COXFA4: variants seen among roughly 807,000 people sequenced by gnomAD.
The protein encoded by COXFA4 is cytochrome c oxidase subunit FA4.
chr7:10,937,189 A>G, the COXFA4 span, among the ~76,000 whole-genome samples: 8 of 152,156 alleles, frequency 5.3e-5, no homozygotes, highest in Non-Finnish European at 8.8e-5. Context: ...ATGGCTTGAT[A>G]TTATGGAAAG....
chr7:10,936,672 G>A, the COXFA4 span, among the ~76,000 whole-genome samples: 1 of 152,126 alleles, frequency 6.6e-6, no homozygotes, highest in Admixed American at 6.5e-5. Flanking sequence ...GAGATTTACT[G>A]AAGGATTTAG....
At chr7:10,939,656 G>A in the COXFA4 span, 10 of 320,730 alleles carry the variant, frequency 3.1e-5, no homozygotes, top group South Asian at 3.2e-4. Flanking sequence ...ATAACACATA[G>A]GGAACCTGAC....
the COXFA4 span, chr7:10,937,923 T>C: frequency 1.6e-6 from 1 of 617,824 alleles, no homozygotes; most frequent in Non-Finnish European, 2.9e-6. Context: ...GCAAAAAATA[T>C]TTATTAGAGC....
At chr7:10,932,657 A>G in the COXFA4 span, 1 of 152,190 alleles carries the variant, frequency 6.6e-6, no homozygotes, top group Non-Finnish European at 1.5e-5. Context: ...AATTATGAAT[A>G]TACTTCCTGG....
the COXFA4 span, among the ~76,000 whole-genome samples, chr7:10,934,203 T>C: frequency 3.3e-5 from 5 of 152,212 alleles, no homozygotes; most frequent in African/African-American, 1.2e-4. Context: ...ACTTCTAAGA[T>C]ATTTTCTCTC....
chr7:10,935,931 T>C, the COXFA4 span, among the ~76,000 whole-genome samples: 1 of 152,208 alleles, frequency 6.6e-6, no homozygotes, highest in Non-Finnish European at 1.5e-5. Context: ...TAGCCCTTAC[T>C]TGTCAATTTT....
At chr7:10,937,861 T>C in the COXFA4 span, 2 of 543,972 alleles carry the variant, frequency 3.7e-6, no homozygotes, top group Non-Finnish European at 3.3e-6. Flanking sequence ...AAATGGTAAA[T>C]GATAGCTATA....
At chr7:10,939,100 G>T in the COXFA4 span, 1 of 503,802 alleles carries the variant, frequency 2.0e-6, no homozygotes, top group East Asian at 3.5e-5. Context: ...AATTTGGAAA[G>T]GATGTTAAGA....
the COXFA4 span, chr7:10,939,836 C>T: frequency 1.3e-6 from 1 of 752,866 alleles, no homozygotes; most frequent in Non-Finnish European, 2.4e-6. Flanking sequence ...CCCCACAATG[C>T]ATGGCGTAGA....
the COXFA4 span, chr7:10,933,494 TCCAATA>T: frequency 1.5e-6 from 1 of 660,474 alleles, no homozygotes; most frequent in Non-Finnish European, 2.6e-6. Flanking sequence ...CATTGTAATC[TCCAATA>T]GAGATTACAA....
chr7:10,935,666 G>A, the COXFA4 span, among the ~76,000 whole-genome samples: 3 of 152,108 alleles, frequency 2.0e-5, no homozygotes, highest in African/African-American at 7.2e-5. Context: ...CATATTGTGA[G>A]GACACAACTG....
the COXFA4 span, chr7:10,933,495 C>G: frequency 1.5e-6 from 1 of 672,906 alleles, no homozygotes. Context: ...ATTGTAATCT[C>G]CAATAGAGAT....
the COXFA4 span, chr7:10,938,735 C>A: frequency 2.0e-6 from 2 of 1,024,876 alleles, no homozygotes; most frequent in East Asian, 2.4e-5. Flanking sequence ...CTAATGTTAT[C>A]GCCCTACAGA....
chr7:10,939,143 T>C, the COXFA4 span: 2 of 401,844 alleles, frequency 5.0e-6, no homozygotes. Context: ...CTTTTTAATG[T>C]GGAGCAAATT....
At chr7:10,940,036 G>C in the COXFA4 span, 16 of 1,613,770 alleles carry the variant, frequency 9.9e-6, no homozygotes, top group Admixed American at 1.7e-5. Flanking sequence ...TTCTTGGCCT[G>C]ACCGATGATC....
chr7:10,937,051 A>C, the COXFA4 span, among the ~76,000 whole-genome samples: 37,715 of 151,886 alleles, frequency 0.25, 6,242 homozygotes, highest in African/African-American at 0.48. Flanking sequence ...ACAACAACAA[A>C]AAAACGTTGC....
the COXFA4 span, among the ~76,000 whole-genome samples, chr7:10,934,532 G>T: frequency 2.3e-4 from 35 of 152,072 alleles, no homozygotes; most frequent in African/African-American, 7.7e-4. Flanking sequence ...GCCAAAGAAT[G>T]CTAAAGAGGT....
chr7:10,933,586 G>A, the COXFA4 span: 7 of 1,454,348 alleles, frequency 4.8e-6, no homozygotes, highest in South Asian at 1.1e-5. Context: ...TGCGGATGTG[G>A]CTTCTGGAAG....
the COXFA4 span, chr7:10,938,036 C>A: frequency 6.6e-7 from 1 of 1,517,602 alleles, no homozygotes; most frequent in Non-Finnish European, 9.2e-7. Flanking sequence ...CACCCCATGA[C>A]AAAACTTATT....
Sources: allele counts gnomAD v4.1 joint callset (sites outside exome capture counted in the v4.1 genomes callset), GRCh38; gene constraint gnomAD v4.1.1; transcripts MANE v1.5; gene names NCBI Gene and HGNC (gene_info 2026-07-23, HGNC 2026-07-21).